SH3RF2: variants seen among roughly 807,000 people sequenced by gnomAD.
SH3RF2 encodes the protein E3 ubiquitin-protein ligase SH3RF2.
Under a neutral mutation model 59.0 loss-of-function variants are expected in SH3RF2, and 43 were observed. That is an observed-to-expected ratio of 0.73 (90% CI 0.57 to 0.94). The LOEUF is 0.94. Ranked by LOEUF, SH3RF2 falls within the 40% of genes least tolerant of loss-of-function variation. SH3RF2 has a pLI of 0.00. For synonymous variants in SH3RF2, 391 were observed against 391.5 expected, an observed-to-expected ratio of 1.00 and a Z score of 0.01; for missense variants, 930 against 940.1, an observed-to-expected ratio of 0.99 and a Z score of 0.14.
At chr5:145,991,771 A>G (rs1759941943) in intron 2 of SH3RF2, among the ~76,000 whole-genome samples, 1 of 152,196 alleles carries the variant, frequency 6.6e-6, no homozygotes, top group South Asian at 2.1e-4. Flanking sequence ...TCTCTCAGTA[A>G]GTCATTAAAA....
At chr5:146,075,241 A>T (rs1763318593) in intron 9 of SH3RF2, among the ~76,000 whole-genome samples, 1 of 152,368 alleles carries the variant, frequency 6.6e-6, no homozygotes, top group South Asian at 2.1e-4. Flanking sequence ...CTTTTAATCT[A>T]TAATAATAAT....
intron 2 of SH3RF2, among the ~76,000 whole-genome samples, chr5:145,993,863 T>C (rs1760048077): frequency 6.6e-6 from 1 of 152,240 alleles, no homozygotes; most frequent in African/African-American, 2.4e-5. Flanking sequence ...TTATTACTTA[T>C]GCAAATATCT....
chr5:145,954,104 C>G (rs1420937041), intron 2 of SH3RF2, among the ~76,000 whole-genome samples: 1 of 152,190 alleles, frequency 6.6e-6, no homozygotes, highest in Non-Finnish European at 1.5e-5. Context: ...AATGGTACTT[C>G]TGCTTTTAGC....
rs34904079 is a variant in SH3RF2, at chr5:145,995,007, T to TAAA, written c.379-5044_379-5042dup. Among the ~76,000 whole-genome samples, 931 of 150,452 alleles carry TAAA rather than the reference T, an allele frequency of 6.2e-3. 4 individuals are homozygous for TAAA. Among genetic ancestry groups the TAAA allele is most frequent in the African/African-American group, 0.015 (636 of 41,046 alleles). ...TCTCTTTTCTGTTTTTCATAAATAA[T>TAAA]AAAAAAAAAGCCTCACAGTTCATTC... On this transcript the variant is annotated intron_variant, in intron 2 of 9. Coordinates refer to ENST00000359120, the MANE Select transcript of SH3RF2 (RefSeq NM_152550.4).
intron 2 of SH3RF2, among the ~76,000 whole-genome samples, chr5:145,986,756 T>C (rs1007390565): frequency 6.6e-6 from 1 of 152,084 alleles, no homozygotes; most frequent in African/African-American, 2.4e-5. Flanking sequence ...CCTCCTAGGA[T>C]AGGGAAATGA....
intron 7 of SH3RF2, among the ~76,000 whole-genome samples, chr5:146,054,945 A>G (rs1376168843): frequency 2.6e-5 from 4 of 152,228 alleles, no homozygotes; most frequent in South Asian, 4.1e-4. Flanking sequence ...GGACTGCTCA[A>G]TAGGAAATGT....
chr5:145,990,137 A>G (rs1215415331), intron 2 of SH3RF2, among the ~76,000 whole-genome samples: 1 of 152,190 alleles, frequency 6.6e-6, no homozygotes, highest in African/African-American at 2.4e-5. Context: ...GCACCATTTA[A>G]TCTAGGAGTT....
At chr5:145,971,720 G>A (rs910112294) in intron 2 of SH3RF2, among the ~76,000 whole-genome samples, 1 of 152,206 alleles carries the variant, frequency 6.6e-6, no homozygotes, top group African/African-American at 2.4e-5. Context: ...TGCTATGGCA[G>A]GTGCCGAAGA....
intron 6 of SH3RF2, 103 bp downstream of exon 6, chr5:146,047,966 C>A: frequency 9.1e-7 from 1 of 1,098,778 alleles, no homozygotes; most frequent in Non-Finnish European, 1.3e-6. Context: ...ACATCCCATC[C>A]AGAGACAATA....
intron 2 of SH3RF2, among the ~76,000 whole-genome samples, chr5:145,993,820 AC>A (rs1457968231): frequency 6.0e-5 from 9 of 151,116 alleles, no homozygotes; most frequent in Non-Finnish European, 1.0e-4. Context: ...TGTTCCCACC[AC>A]CCCCCTGTCG....
intron 3 of SH3RF2, among the ~76,000 whole-genome samples, chr5:146,001,758 G>A (rs899897765): frequency 1.3e-5 from 2 of 152,140 alleles, no homozygotes; most frequent in East Asian, 1.9e-4. Flanking sequence ...ATGAGTCATT[G>A]TTCTTACCTA....
intron 2 of SH3RF2, chr5:145,997,069 T>A: frequency 1.8e-6 from 1 of 549,302 alleles, no homozygotes. Flanking sequence ...GGTGTACATG[T>A]GAAGGTTTGT....
At chr5:145,956,838 T>C (rs1194839195) in intron 2 of SH3RF2, among the ~76,000 whole-genome samples, 2 of 152,160 alleles carry the variant, frequency 1.3e-5, no homozygotes, top group Non-Finnish European at 2.9e-5. Context: ...CAAGGAAATG[T>C]GACAGAGCTT....
intron 5 of SH3RF2, among the ~76,000 whole-genome samples, chr5:146,029,367 T>C (rs991331425): frequency 6.6e-6 from 1 of 152,040 alleles, no homozygotes; most frequent in Admixed American, 6.6e-5. Flanking sequence ...CCAGAGATGA[T>C]TGAGGAGAGA....
At chr5:146,022,874 A>AACACACACACACAC (rs57377156) in intron 5 of SH3RF2, among the ~76,000 whole-genome samples, 14 of 141,964 alleles carry the variant, frequency 9.9e-5, no homozygotes, top group African/African-American at 3.8e-4. Flanking sequence ...GCTCCATCTA[A>AACACACACACACAC]ACACACACAC....
intron 2 of SH3RF2, among the ~76,000 whole-genome samples, chr5:145,983,240 C>A (rs1759571613): frequency 6.8e-6 from 1 of 146,252 alleles, no homozygotes; most frequent in African/African-American, 2.6e-5. Flanking sequence ...ATGCTACAAA[C>A]CAGAGCCTTT....
intron 2 of SH3RF2, chr5:145,997,551 G>T: frequency 6.2e-7 from 1 of 1,607,722 alleles, no homozygotes; most frequent in Non-Finnish European, 8.5e-7. Flanking sequence ...GAAAATGGGA[G>T]TTATTACGGT....
chr5:145,962,585 T>G (rs1156293078), intron 2 of SH3RF2, among the ~76,000 whole-genome samples: 2 of 152,168 alleles, frequency 1.3e-5, no homozygotes, highest in African/African-American at 4.8e-5. Context: ...CCCTCTTCAG[T>G]TCCTGCAGCA....
chr5:146,047,066 C>G (rs1253079218), intron 5 of SH3RF2, among the ~76,000 whole-genome samples: 1 of 151,914 alleles, frequency 6.6e-6, no homozygotes, highest in Non-Finnish European at 1.5e-5. Flanking sequence ...CTTCCAGGAG[C>G]TTTTATCATT....
Sources: allele counts gnomAD v4.1 joint callset (sites outside exome capture counted in the v4.1 genomes callset), GRCh38; gene constraint gnomAD v4.1.1; transcripts MANE v1.5; gene names NCBI Gene and HGNC (gene_info 2026-07-23, HGNC 2026-07-21).